The following KIAA1671 variants were observed in gnomAD, a reference collection of about 807,000 sequenced individuals.
KIAA1671 encodes the protein uncharacterized protein KIAA1671.
KIAA1671 carries 52 observed loss-of-function variants against 131.2 expected under a neutral mutation model. That is an observed-to-expected ratio of 0.40 (90% CI 0.32 to 0.50). The LOEUF (loss-of-function observed/expected upper bound fraction) is 0.50, where lower values mean the gene tolerates loss of function less well. Ranked by LOEUF, KIAA1671 falls within the 20% of genes least tolerant of loss-of-function variation. The probability of loss-of-function intolerance (pLI) is 0.73; values close to 1 mark genes in which losing one functional copy is unlikely to be tolerated. For missense variants in KIAA1671, 2,360 were observed against 2,364.2 expected (o/e 1.00, Z 0.04); for synonymous variants, 1,003 against 961.6 (o/e 1.04, Z -0.80).
chr22:25,096,333 C>T (rs1488081992), intron 6 of KIAA1671, among the ~76,000 whole-genome samples: 2 of 152,170 alleles, frequency 1.3e-5, no homozygotes, highest in Non-Finnish European at 2.9e-5. Context: ...CACGGGCTGT[C>T]TCCGAGGGCT....
intron 6 of KIAA1671, among the ~76,000 whole-genome samples, chr22:25,139,020 C>T (rs893253903): frequency 2.0e-5 from 3 of 152,146 alleles, no homozygotes; most frequent in Non-Finnish European, 4.4e-5. Context: ...GAGAGAAGCA[C>T]CAGCCACTGC....
intron 6 of KIAA1671, among the ~76,000 whole-genome samples, chr22:25,155,908 GT>G (rs972515337): frequency 8.5e-5 from 12 of 140,432 alleles, no homozygotes; most frequent in South Asian, 2.4e-4. Context: ...TATGTATATA[GT>G]TTTTTTGTGT....
intron 6 of KIAA1671, among the ~76,000 whole-genome samples, chr22:25,120,996 G>T (rs1479180695): frequency 6.6e-6 from 1 of 152,140 alleles, no homozygotes; most frequent in African/African-American, 2.4e-5. Context: ...TGATCAGAAG[G>T]CCCCTTTGTT....
chr22:25,173,582 C>G (rs1427209331), intron 7 of KIAA1671, among the ~76,000 whole-genome samples: 1 of 152,170 alleles, frequency 6.6e-6, no homozygotes, highest in Non-Finnish European at 1.5e-5. Flanking sequence ...AAACACCACT[C>G]TGTACCCCGG....
intron 6 of KIAA1671, among the ~76,000 whole-genome samples, chr22:25,109,192 C>T (rs1032390189): frequency 1.3e-5 from 2 of 151,964 alleles, no homozygotes; most frequent in Non-Finnish European, 2.9e-5. Flanking sequence ...TCACTGCAAC[C>T]TCTGCCTCTC....
At position 25,038,834 on chromosome 22, in the gene KIAA1671, G is replaced by A; in HGVS notation, c.1704G>A (p.Lys568=). 3 of 1,551,898 alleles carry A rather than the reference G, an allele frequency of 1.9e-6. No homozygotes were observed. Among genetic ancestry groups the A allele is most frequent in the Non-Finnish European group, 1.7e-6 (2 of 1,147,046 alleles). The change falls in exon 5 of 13, where the codon AAG becomes AAA. Residue 568 remains lysine, a synonymous_variant. Transcript: ENST00000358431. The part of the protein sequence containing the change: ...SPWKPGTLRD[K]SRQTEQKVSS... The stretch of plus-strand genomic sequence containing the variant: ...GGAAGCCTGGGACACTCCGGGATAA[G>A]TCCAGGCAGACGGAGCAGAAGGTTA...
intron 12 of KIAA1671, among the ~76,000 whole-genome samples, chr22:25,191,145 CTTTTTT>C (rs142339652): frequency 7.7e-6 from 1 of 129,068 alleles, no homozygotes; most frequent in Non-Finnish European, 1.6e-5. Context: ...GAAATGGTTA[CTTTTTT>C]TTTTTTTTTT....
chr22:25,186,211 C>G (rs150711287), intron 11 of KIAA1671: 2 of 152,610 alleles, frequency 1.3e-5, no homozygotes, highest in East Asian at 3.8e-4. Flanking sequence ...TTCTCTGACC[C>G]CTGTGATGGA....
chr22:25,158,668 G>A (rs574952786), intron 6 of KIAA1671, among the ~76,000 whole-genome samples: 2 of 152,222 alleles, frequency 1.3e-5, no homozygotes, highest in East Asian at 1.9e-4. Flanking sequence ...GTGGGGAATC[G>A]CAGGCCACTA....
chr22:25,077,588 G>A (rs1048289017), intron 6 of KIAA1671, among the ~76,000 whole-genome samples: 6 of 152,218 alleles, frequency 3.9e-5, no homozygotes, highest in South Asian at 2.1e-4. Flanking sequence ...TGAGTGGCCC[G>A]TGGGGCGTGA....
chr22:25,045,651 A>G (rs1432944155), intron 5 of KIAA1671, among the ~76,000 whole-genome samples: 3 of 152,092 alleles, frequency 2.0e-5, no homozygotes, highest in Non-Finnish European at 4.4e-5. Flanking sequence ...GTGCAGTGGC[A>G]GGATCTTGGC....
chr22:25,072,038 C>T (rs1164820564), intron 6 of KIAA1671, among the ~76,000 whole-genome samples: 1 of 152,060 alleles, frequency 6.6e-6, no homozygotes, highest in Non-Finnish European at 1.5e-5. Flanking sequence ...CTGGAGGATG[C>T]CTAGGAGCTG....
chr22:25,053,549 G>C (rs1035175822), intron 6 of KIAA1671: 1 of 152,208 alleles, frequency 6.6e-6, no homozygotes, highest in Non-Finnish European at 1.5e-5. Flanking sequence ...CTATTGGTTA[G>C]CATATGCTGG....
chr22:25,032,715 G>C lies in KIAA1671; in HGVS notation c.1629+19G>C, dbSNP rs2145793906. 1 of 1,490,452 alleles carries C rather than the reference G, an allele frequency of 6.7e-7. No homozygotes were observed. The highest frequency in any genetic ancestry group is 9.1e-7 in the Non-Finnish European group (1 of 1,095,408). The allele number at this position is 1,490,452 out of a possible 1,614,324, so 92.3% of individuals were successfully genotyped here. On this transcript the variant is annotated intron_variant, in intron 4 of 12. Coordinates refer to ENST00000358431, the MANE Select transcript of KIAA1671 (RefSeq NM_001145206.2). The stretch of plus-strand genomic sequence containing the variant: ...AGAAAAGGTAAGGAGTGGCTGTGTA[G>C]CACGTCTCTCATTAACCAGCGGGCA...
At chr22:25,165,333 C>G (rs964929249) in intron 6 of KIAA1671, among the ~76,000 whole-genome samples, 3 of 152,120 alleles carry the variant, frequency 2.0e-5, no homozygotes, top group African/African-American at 4.8e-5. Flanking sequence ...GTAGCTCGTC[C>G]AAGGTCACAT....
Position 25,032,628 on chromosome 22 carries a change from A to C in KIAA1671, c.1561A>C (p.Ser521Arg), listed in dbSNP as rs371188884. The C allele has an allele frequency of 1.1e-5, 17 of 1,546,122 alleles. No homozygotes were observed. The East Asian group carries it at 1.5e-4, about 13-fold the overall frequency. The change falls in exon 4 of 13, where the codon AGC becomes CGC. Residue 521 changes from serine (S) to arginine (R), a missense_variant. Around this residue, in one of 3 missense-constraint regions of KIAA1671, gnomAD observed 1,185 missense variants for 1,126.2 expected, o/e 1.05. Coordinates refer to ENST00000358431, the MANE Select transcript of KIAA1671 (RefSeq NM_001145206.2). The part of the protein sequence containing the change: ...LTKLFSSSAS[S>R]NEVKYEKSAE... The stretch of plus-strand genomic sequence containing the variant: ...TACCAGGTTTTCAAGTTCAGCTTCC[A>C]GCAACGAAGTCAAATATGAGAAGAG...
chr22:24,956,702 T>C (rs924644902), intron 1 of KIAA1671, among the ~76,000 whole-genome samples: 7 of 151,130 alleles, frequency 4.6e-5, no homozygotes, highest in Non-Finnish European at 1.0e-4. Flanking sequence ...CCGTGTCTAC[T>C]AAAAATACGA....
Position 25,037,382 on chromosome 22 carries a change from GTGTATATA to G in KIAA1671, c.1630-1358_1630-1351del, listed in dbSNP as rs555338325. ...TATATATGTGTATATATGTATATATGTGTATATATGTATATATGTATATATGTGTGTAT... is the reference window on the plus strand; with the variant it reads ...TATATATGTGTATATATGTATATATGTGTATATATGTATATATGTGTGTAT... On this transcript the variant is annotated intron_variant, in intron 4 of 12. Transcript: ENST00000358431. 6.4e-3 allele frequency among the ~76,000 whole-genome samples: 878 copies of G among 136,646 alleles called. 3 individuals carry two copies. Among genetic ancestry groups the G allele is most frequent in the East Asian group, 0.019 (96 of 5,178 alleles). 89.6% of individuals were successfully genotyped at this position (136,646 alleles called of 152,430 possible).
chr22:25,052,403 T>G (rs767541223), intron 6 of KIAA1671: 1 of 152,218 alleles, frequency 6.6e-6, no homozygotes, highest in African/African-American at 2.4e-5. Context: ...AGTTTACCAC[T>G]CAGGGCCTCA....
Sources: allele counts gnomAD v4.1 joint callset (sites outside exome capture counted in the v4.1 genomes callset), GRCh38; gene constraint gnomAD v4.1.1; regional missense constraint gnomAD v4.1.1; transcripts MANE v1.5; gene names NCBI Gene and HGNC (gene_info 2026-07-23, HGNC 2026-07-21).